The following WDFY3 variants were observed in gnomAD, a reference collection of about 807,000 sequenced individuals.
WDFY3 encodes WD repeat and FYVE domain containing 3.
WDFY3 carries 66 observed loss-of-function variants against 409.6 expected under a neutral mutation model. The ratio of observed to expected loss-of-function variants is 0.16; its 90% CI spans 0.13 to 0.20. WDFY3 has a LOEUF of 0.20. Among genes scored for constraint, WDFY3 ranks in the 10% least tolerant of loss-of-function variants. The probability of loss-of-function intolerance (pLI) is 1.00; values close to 1 mark genes in which losing one functional copy is unlikely to be tolerated. For missense variants in WDFY3, 3,031 were observed against 4,298.1 expected (o/e 0.71, Z 8.24); for synonymous variants, 1,521 against 1,537.1 (o/e 0.99, Z 0.25).
intron 2 of WDFY3, among the ~76,000 whole-genome samples, chr4:84,904,404 AC>A (rs1232330803): frequency 6.6e-6 from 1 of 151,944 alleles, no homozygotes; most frequent in Non-Finnish European, 1.5e-5. Flanking sequence ...GAAGAAGAAA[AC>A]TGAGACTCAG....
chr4:84,821,565 G>GA lies in WDFY3; in HGVS notation c.1124-15dup, dbSNP rs1247893147. 1.9e-6 allele frequency: 3 copies of GA among 1,587,512 alleles called. No individual in the cohort carries two copies. In the East Asian group the frequency reaches 6.7e-5, roughly 36 times the overall value. On this transcript the variant is annotated splice_polypyrimidine_tract_variant and intron_variant, in intron 10 of 67. Transcript: ENST00000295888. ...TCACACTGTGACCTAGAACAGAAAA[G>GA]AAAAACATAAAAGTAGGTACTATGT...
At chr4:84,857,305 T>TA (rs1469935521) in intron 4 of WDFY3, among the ~76,000 whole-genome samples, 2 of 152,126 alleles carry the variant, frequency 1.3e-5, no homozygotes, top group Non-Finnish European at 2.9e-5. Flanking sequence ...ATCTACTTAT[T>TA]AAAAAAACAA....
intron 40 of WDFY3, among the ~76,000 whole-genome samples, chr4:84,738,601 A>AT (rs1737868717): frequency 7.8e-6 from 1 of 128,590 alleles, no homozygotes; most frequent in Non-Finnish European, 1.6e-5. Flanking sequence ...GATTTTGTTT[A>AT]AAAAAAAAAA....
intron 55 of WDFY3, 135 bp downstream of exon 55, chr4:84,704,203 T>C (rs1731549999): frequency 1.7e-6 from 1 of 589,578 alleles, no homozygotes; most frequent in Admixed American, 3.9e-5. Flanking sequence ...AAATTCTACT[T>C]TAGTTATGTA....
intron 25 of WDFY3, 73 bp downstream of exon 25, chr4:84,782,890 T>C: frequency 1.4e-6 from 2 of 1,409,196 alleles, no homozygotes; most frequent in Admixed American, 3.5e-5. Flanking sequence ...ATACTGCCCC[T>C]TAAGTGAGGA....
Position 84,867,482 on chromosome 4 carries a change from C to T in WDFY3, c.-31-6860G>A, listed in dbSNP as rs191572612. ...TAAGAACTGGCTTTCTAATACAAAC[C>T]CTATTTGGGTTCATAAGAAAAAATA... is the stretch of plus-strand genomic sequence containing the variant. On this transcript the variant is annotated intron_variant, in intron 3 of 67. Coordinates refer to ENST00000295888, the MANE Select transcript of WDFY3 (RefSeq NM_014991.6). Among the ~76,000 whole-genome samples, 338 of 152,138 alleles carry T rather than the reference C, an allele frequency of 2.2e-3. 2 individuals carry two copies. Among genetic ancestry groups the T allele is most frequent in the African/African-American group, 7.8e-3 (325 of 41,522 alleles).
chr4:84,796,846 A>T, intron 18 of WDFY3, 94 bp from the exon 19 acceptor site: 1 of 1,011,962 alleles, frequency 9.9e-7, no homozygotes, highest in Non-Finnish European at 1.4e-6. Context: ...CTTCAGTTTC[A>T]ATAGACAATA....
chr4:84,932,545 T>C (rs1770893595), intron 1 of WDFY3, among the ~76,000 whole-genome samples, 182 bp from the exon 2 acceptor site: 1 of 152,118 alleles, frequency 6.6e-6, no homozygotes, highest in Non-Finnish European at 1.5e-5. Context: ...AAATATAAAG[T>C]TATTTAAAGC....
chr4:84,903,781 T>C (rs576740535), intron 2 of WDFY3, among the ~76,000 whole-genome samples: 8 of 152,314 alleles, frequency 5.3e-5, no homozygotes, highest in Admixed American at 3.3e-4. Flanking sequence ...ATCTGAAATA[T>C]ATGAACATTA....
chr4:84,760,547 C>T (rs1238747780), intron 32 of WDFY3, among the ~76,000 whole-genome samples: 2 of 152,130 alleles, frequency 1.3e-5, no homozygotes, highest in Non-Finnish European at 2.9e-5. Context: ...GTGTATGTGT[C>T]AAGGAATTTA....
At chr4:84,811,859 A>C (rs1011514906) in intron 13 of WDFY3, among the ~76,000 whole-genome samples, 1 of 152,188 alleles carries the variant, frequency 6.6e-6, no homozygotes, top group African/African-American at 2.4e-5. Flanking sequence ...ATATACAGTA[A>C]GTTATCTAAA....
chr4:84,862,489 C>T (rs2150223313), intron 3 of WDFY3, among the ~76,000 whole-genome samples: 1 of 152,250 alleles, frequency 6.6e-6, no homozygotes, highest in African/African-American at 2.4e-5. Flanking sequence ...GTTCCAATAA[C>T]CTACTATGTG....
chr4:84,733,354 T>C lies in WDFY3; in HGVS notation c.7221+28A>G, dbSNP rs762188300. On this transcript the variant is annotated intron_variant, in intron 44 of 67. Coordinates refer to ENST00000295888, the MANE Select transcript of WDFY3 (RefSeq NM_014991.6). ...GGAAAATAAAAACTTGAAAGAGCCA[T>C]TGTGATCATTGAATTCTGCATACTC... 2.1e-5 allele frequency: 34 copies of C among 1,605,380 alleles called. No homozygotes were observed. The East Asian group carries it at 4.5e-4, about 21-fold the overall frequency.
chr4:84,810,174 G>A lies in WDFY3; in HGVS notation c.2058C>T (p.His686=). ...VNQNQVFELL[H]TVFCTLTAAM... Reference sequence around the variant, plus strand: ...CTGCAGTCAACGTGCAGAACACAGTGTGAAGAAGTTCAAACACTTGATTCT... The same window carrying A: ...CTGCAGTCAACGTGCAGAACACAGTATGAAGAAGTTCAAACACTTGATTCT... The change falls in exon 14 of 68, where the codon CAC becomes CAT. Residue 686 remains histidine, a synonymous_variant. Transcript: ENST00000295888. 6.2e-7 allele frequency: 1 copy of A among 1,614,150 alleles called. No homozygotes were observed. The highest frequency in any genetic ancestry group is 8.5e-7 in the Non-Finnish European group (1 of 1,180,008).
At chr4:84,687,982 A>G in intron 62 of WDFY3, 104 bp downstream of exon 62, 2 of 1,243,982 alleles carry the variant, frequency 1.6e-6, no homozygotes, top group Non-Finnish European at 2.3e-6. Flanking sequence ...TAGCCTCCTG[A>G]GCAGCTGCAA....
At chr4:84,947,596 G>A (rs1017837792) in intron 1 of WDFY3, among the ~76,000 whole-genome samples, 3 of 148,116 alleles carry the variant, frequency 2.0e-5, no homozygotes, top group Non-Finnish European at 3.0e-5. Flanking sequence ...TAGGCTGGGC[G>A]CAGTGGCTCA....
At chr4:84,675,293 A>G (rs1331724311) in intron 67 of WDFY3, among the ~76,000 whole-genome samples, 4 of 152,146 alleles carry the variant, frequency 2.6e-5, no homozygotes, top group African/African-American at 9.7e-5. Flanking sequence ...TTCAAAGCAC[A>G]GAGCCACTAG....
intron 13 of WDFY3, among the ~76,000 whole-genome samples, chr4:84,810,560 T>C (rs1044709171): frequency 1.3e-5 from 2 of 152,226 alleles, no homozygotes; most frequent in African/African-American, 4.8e-5. Context: ...TATCACATAT[T>C]TCTTTGATAG....
chr4:84,723,260 G>A (rs1735117710), intron 46 of WDFY3, among the ~76,000 whole-genome samples: 1 of 152,204 alleles, frequency 6.6e-6, no homozygotes, highest in African/African-American at 2.4e-5. Context: ...AAAATGTTTA[G>A]TAAGTCATAG....
Sources: gnomAD v4.1 joint callset for allele counts (sites outside exome capture counted in the v4.1 genomes callset) on GRCh38, gnomAD v4.1.1 for gene constraint, MANE v1.5 for transcripts, NCBI Gene and HGNC (gene_info 2026-07-23, HGNC 2026-07-21) for gene names.